Variants in COA1 observed in about 807,000 individuals in gnomAD.
COA1 encodes the protein cytochrome c oxidase assembly factor 1.
Under a neutral mutation model 16.0 loss-of-function variants are expected in COA1, and 13 were observed. The ratio of observed to expected loss-of-function variants is 0.81; its 90% confidence interval spans 0.53 to 1.29. The LOEUF (loss-of-function observed/expected upper bound fraction) is 1.29. Ranked by LOEUF, COA1 falls within the 50% of genes most tolerant of loss-of-function variation. The pLI is 0.00. For missense variants in COA1, 179 were observed against 177.0 expected (o/e 1.01, Z -0.06); for synonymous variants, 65 against 65.7 (o/e 0.99, Z 0.05).
At chr7:43,720,946 T>C (rs746310883) in intron 1 of COA1, among the ~76,000 whole-genome samples, 3 of 152,214 alleles carry the variant, frequency 2.0e-5, no homozygotes, top group Admixed American at 2.0e-4. Flanking sequence ...TTAGAACCTG[T>C]ATCTTTCTTC....
intron 1 of COA1, among the ~76,000 whole-genome samples, chr7:43,653,265 T>C (rs1054451184): frequency 5.9e-5 from 9 of 151,654 alleles, no homozygotes; most frequent in Admixed American, 5.3e-4. Flanking sequence ...TGAGCCGAGA[T>C]TGCGCCACTG....
intron 1 of COA1, among the ~76,000 whole-genome samples, chr7:43,723,059 T>C (rs1386339386): frequency 6.6e-6 from 1 of 152,220 alleles, no homozygotes; most frequent in African/African-American, 2.4e-5. Context: ...AAAGTAATAA[T>C]GAAATATTAA....
intron 6 of COA1, chr7:43,624,825 G>T: frequency 6.2e-7 from 1 of 1,601,196 alleles, no homozygotes; most frequent in Non-Finnish European, 8.5e-7. Context: ...AGAAATTCCA[G>T]GAGAATTTAT....
At chr7:43,690,695 T>TA (rs748207782) in intron 1 of COA1, among the ~76,000 whole-genome samples, 33 of 150,116 alleles carry the variant, frequency 2.2e-4, no homozygotes, top group Admixed American at 5.3e-4. Flanking sequence ...AAAAATAAAT[T>TA]AAAAAAAAAT....
At position 43,643,107 on chromosome 7, in the gene COA1, T is replaced by A. The variant is rs1027756511; in HGVS notation, c.264+2144A>T. ...CCAGAACCTAGCACCACAACCAACATAGTCACAGCATGGCCAAGGCCCCAG... is the reference window on the plus strand; with the variant it reads ...CCAGAACCTAGCACCACAACCAACAAAGTCACAGCATGGCCAAGGCCCCAG... On this transcript the variant is annotated intron_variant, in intron 4 of 5. Transcript: ENST00000223336. 2.6e-5 allele frequency among the ~76,000 whole-genome samples: 4 copies of A among 152,128 alleles called. No individual in the cohort carries two copies. The East Asian group carries it at 7.7e-4, about 29-fold the overall frequency.
At chr7:43,704,978 T>C (rs1469175631) in intron 1 of COA1, among the ~76,000 whole-genome samples, 2 of 152,230 alleles carry the variant, frequency 1.3e-5, no homozygotes, top group Admixed American at 1.3e-4. Flanking sequence ...ATGGGACTTC[T>C]TGCTTTTTAT....
intron 1 of COA1, among the ~76,000 whole-genome samples, chr7:43,673,378 A>C (rs1233779174): frequency 6.6e-6 from 1 of 152,350 alleles, no homozygotes; most frequent in South Asian, 2.1e-4. Context: ...AGTGGCCAAG[A>C]AGCATATGAA....
At chr7:43,688,990 G>A (rs762049390) in intron 1 of COA1, among the ~76,000 whole-genome samples, 14 of 152,146 alleles carry the variant, frequency 9.2e-5, no homozygotes, top group Non-Finnish European at 1.6e-4. Context: ...CAAAAAAGAA[G>A]AAAAGGGAAG....
intron 1 of COA1, among the ~76,000 whole-genome samples, chr7:43,725,098 T>C (rs849171): frequency 0.71 from 107,605 of 152,030 alleles, 38,551 homozygotes; most frequent in African/African-American, 0.84. Context: ...ATTAGCTAGG[T>C]GTGGTGGCGC....
intron 4 of COA1, among the ~76,000 whole-genome samples, chr7:43,644,859 C>T (rs2088792360): frequency 6.9e-6 from 1 of 145,824 alleles, no homozygotes; most frequent in Non-Finnish European, 1.5e-5. Context: ...GTTGCCCAGG[C>T]TGGTTTCAAA....
At chr7:43,675,563 C>T (rs1057267651) in intron 1 of COA1, among the ~76,000 whole-genome samples, 2 of 151,844 alleles carry the variant, frequency 1.3e-5, no homozygotes, top group Non-Finnish European at 2.9e-5. Context: ...AACAAACCTG[C>T]ACATTGTGCA....
At chr7:43,695,947 G>A (rs2094513111) in intron 1 of COA1, among the ~76,000 whole-genome samples, 1 of 152,190 alleles carries the variant, frequency 6.6e-6, no homozygotes, top group Non-Finnish European at 1.5e-5. Context: ...TTTTCACACT[G>A]CTGATAAAGA....
At chr7:43,608,540 A>G (rs538824377) in exon 7 of COA1, 358 of 947,530 alleles carry the variant, frequency 3.8e-4, no homozygotes, top group South Asian at 1.1e-3. Context: ...CTTTACTCCT[A>G]TCCTCTAGCC....
intron 6 of COA1, among the ~76,000 whole-genome samples, chr7:43,613,668 C>A (rs776432633): frequency 6.6e-6 from 1 of 151,938 alleles, no homozygotes; most frequent in African/African-American, 2.4e-5. Flanking sequence ...CATAGTGAGA[C>A]CTCATCTCCA....
At chr7:43,703,515 G>T (rs762547003) in intron 1 of COA1, among the ~76,000 whole-genome samples, 1 of 152,168 alleles carries the variant, frequency 6.6e-6, no homozygotes, top group Non-Finnish European at 1.5e-5. Flanking sequence ...GGGTGCTCTA[G>T]TGTTGGGTGC....
intron 1 of COA1, among the ~76,000 whole-genome samples, chr7:43,728,477 G>A (rs949152677): frequency 1.3e-5 from 2 of 152,150 alleles, no homozygotes; most frequent in African/African-American, 2.4e-5. Flanking sequence ...ATAAAACTTT[G>A]CCATATCTAA....
chr7:43,729,112 C>G (rs2095685640), intron 1 of COA1, among the ~76,000 whole-genome samples: 1 of 152,208 alleles, frequency 6.6e-6, no homozygotes, highest in African/African-American at 2.4e-5. Context: ...GTGCCCAGTC[C>G]CAACTCTTCG....
chr7:43,629,340 A>G (rs1350048247), intron 6 of COA1, among the ~76,000 whole-genome samples: 1 of 152,244 alleles, frequency 6.6e-6, no homozygotes, highest in Non-Finnish European at 1.5e-5. Flanking sequence ...CTACTCCCAG[A>G]AGAAGCCTTG....
intron 1 of COA1, among the ~76,000 whole-genome samples, chr7:43,718,859 CT>C (rs1332114141): frequency 4.6e-5 from 7 of 152,076 alleles, no homozygotes; most frequent in Non-Finnish European, 7.3e-5. Context: ...TTTCAGTACT[CT>C]ACACTATGTT....
Sources: allele counts gnomAD v4.1 joint callset (sites outside exome capture counted in the v4.1 genomes callset), GRCh38; gene constraint gnomAD v4.1.1; transcripts MANE v1.5; gene names NCBI Gene and HGNC (gene_info 2026-07-23, HGNC 2026-07-21).